Variants in PRKAR1B observed in about 807,000 individuals in gnomAD.
PRKAR1B encodes the protein cAMP-dependent protein kinase type I-beta regulatory subunit.
Under a neutral mutation model 46.5 loss-of-function variants are expected in PRKAR1B, and 22 were observed. The observed-to-expected ratio is 0.47, with a 90% CI of 0.34 to 0.68. The LOEUF (loss-of-function observed/expected upper bound fraction) is 0.68. PRKAR1B is among the 30% of genes least tolerant of loss of function. The pLI is 0.01. For synonymous variants in PRKAR1B, 259 were observed against 217.7 expected, an observed-to-expected ratio of 1.19 and a Z score of -1.67; for missense variants, 445 against 535.6, an observed-to-expected ratio of 0.83 and a Z score of 1.67.
At chr7:618,392 T>C (rs974559556) in intron 4 of PRKAR1B, among the ~76,000 whole-genome samples, 13 of 152,160 alleles carry the variant, frequency 8.5e-5, no homozygotes, top group South Asian at 6.2e-4. Context: ...ATTCCTCTCT[T>C]CCCATAGCCC....
chr7:684,011 C>A (rs573430667), intron 2 of PRKAR1B, among the ~76,000 whole-genome samples: 1 of 151,382 alleles, frequency 6.6e-6, no homozygotes, highest in African/African-American at 2.4e-5. Context: ...ACGCCTACCT[C>A]CACATGCACC....
intron 2 of PRKAR1B, among the ~76,000 whole-genome samples, chr7:685,473 A>T (rs1329147197): frequency 6.8e-6 from 1 of 147,426 alleles, no homozygotes. Context: ...GTAAAATAAA[A>T]TAGAAACTTG....
intron 7 of PRKAR1B, among the ~76,000 whole-genome samples, chr7:595,789 C>T (rs928542418): frequency 2.0e-5 from 3 of 152,234 alleles, no homozygotes; most frequent in African/African-American, 4.8e-5. Context: ...GCCACCGTGT[C>T]GGCAGGGAAC....
chr7:569,452 C>T (rs560796767), intron 9 of PRKAR1B, among the ~76,000 whole-genome samples: 3 of 152,376 alleles, frequency 2.0e-5, no homozygotes, highest in African/African-American at 7.2e-5. Flanking sequence ...AGCTGCTGGG[C>T]CGAACGTCCA....
At chr7:723,678 T>C (rs896283890) in intron 1 of PRKAR1B, among the ~76,000 whole-genome samples, 1 of 152,196 alleles carries the variant, frequency 6.6e-6, no homozygotes, top group Admixed American at 6.5e-5. Flanking sequence ...AAGGGGTCCT[T>C]GAAAAATGCA....
intron 8 of PRKAR1B, among the ~76,000 whole-genome samples, chr7:582,673 G>A (rs542529435): frequency 1.3e-5 from 2 of 152,234 alleles, no homozygotes; most frequent in African/African-American, 4.8e-5. Flanking sequence ...GGAGCAGGGA[G>A]AGGGTCTCGC....
chr7:559,409 T>C (rs958029048), intron 9 of PRKAR1B, among the ~76,000 whole-genome samples: 8 of 152,070 alleles, frequency 5.3e-5, no homozygotes, highest in Non-Finnish European at 1.2e-4. Flanking sequence ...GGACGGGGGC[T>C]CAGGGCAGTC....
At chr7:643,030 G>A (rs958708281) in intron 4 of PRKAR1B, among the ~76,000 whole-genome samples, 1 of 151,584 alleles carries the variant, frequency 6.6e-6, no homozygotes, top group African/African-American at 2.4e-5. Flanking sequence ...CTGGAATTCT[G>A]TGTACGGCAG....
At chr7:689,950 G>A (rs1157798277) in intron 2 of PRKAR1B, among the ~76,000 whole-genome samples, 1 of 151,296 alleles carries the variant, frequency 6.6e-6, no homozygotes, top group Non-Finnish European at 1.5e-5. Context: ...CAAAGTGCTG[G>A]GATTACAGGC....
rs1562554840 is a variant in PRKAR1B at position 603,661 on chromosome 7, A to ATG, written c.549+2531_549+2532insCA. On this transcript the variant is annotated intron_variant, in intron 6 of 10. Coordinates refer to ENST00000537384, the MANE Select transcript of PRKAR1B (RefSeq NM_001164760.2). ...CACCAGGACCCAGAGTGGAGAGGGC[A>ATG]GGGGAGGAGGTGACACGGTGACACC... Among the ~76,000 whole-genome samples, 854 of 103,590 alleles carry ATG rather than the reference A, an allele frequency of 8.2e-3. 30 individuals are homozygous for ATG. Among genetic ancestry groups the ATG allele is most frequent in the African/African-American group, 0.016 (402 of 24,942 alleles). The allele number at this position is 103,590 out of a possible 152,430, so 68.0% of individuals were successfully genotyped here. A position where few individuals can be genotyped will look rare whatever the true frequency, so the allele number is the denominator to read the frequency against.
chr7:633,233 C>T (rs1685612716), intron 4 of PRKAR1B, among the ~76,000 whole-genome samples: 1 of 152,162 alleles, frequency 6.6e-6, no homozygotes, highest in Non-Finnish European at 1.5e-5. Flanking sequence ...GTCTCGTGTG[C>T]AAACATCTAT....
intron 4 of PRKAR1B, among the ~76,000 whole-genome samples, chr7:624,648 T>C (rs1212863409): frequency 6.6e-6 from 1 of 152,200 alleles, no homozygotes; most frequent in African/African-American, 2.4e-5. Context: ...AACAGTGATG[T>C]GGAGACACAT....
In PRKAR1B at chr7:616,613, C is replaced by T. The variant is rs556546103; in HGVS notation, c.441-9161G>A. Among the ~76,000 whole-genome samples the T allele has an allele frequency of 1.1e-4, 16 of 152,326 alleles. No homozygotes were observed. The South Asian group carries it at 2.3e-3, about 22-fold the overall frequency. On this transcript the variant is annotated intron_variant, in intron 4 of 10. Coordinates refer to ENST00000537384, the MANE Select transcript of PRKAR1B (RefSeq NM_001164760.2). ...CAGCCATCGCACAGCGGCTCCTCAC[C>T]GGCCACCAGACCCCAGTGCCACGCA...
intron 9 of PRKAR1B, among the ~76,000 whole-genome samples, chr7:574,139 T>G (rs71536293): frequency 0.087 from 13,224 of 152,254 alleles, 647 homozygotes; most frequent in East Asian, 0.12. Context: ...CCTACACGGG[T>G]CCTTGGGCTC....
At chr7:636,878 A>G (rs1458271664) in intron 4 of PRKAR1B, among the ~76,000 whole-genome samples, 2 of 152,122 alleles carry the variant, frequency 1.3e-5, no homozygotes, top group African/African-American at 4.8e-5. Flanking sequence ...TTCCTCAACA[A>G]CTGTGACCCC....
intron 1 of PRKAR1B, among the ~76,000 whole-genome samples, chr7:717,583 A>G (rs1409367515): frequency 6.6e-6 from 1 of 152,040 alleles, no homozygotes; most frequent in Non-Finnish European, 1.5e-5. Context: ...ACCTGAACAC[A>G]AGAGTTCGAG....
At chr7:688,472 T>G (rs1298862904) in intron 2 of PRKAR1B, among the ~76,000 whole-genome samples, 1 of 151,040 alleles carries the variant, frequency 6.6e-6, no homozygotes, top group Non-Finnish European at 1.5e-5. Flanking sequence ...TGGCCTCCGA[T>G]CTGAGTTGAA....
chr7:586,908 C>T (rs1221720147), intron 7 of PRKAR1B, among the ~76,000 whole-genome samples: 3 of 131,694 alleles, frequency 2.3e-5, no homozygotes, highest in African/African-American at 5.7e-5. Flanking sequence ...TTTTTTGAGA[C>T]AGTCTCACTC....
At chr7:551,248 G>A (rs1583184248) in intron 10 of PRKAR1B, 141 bp downstream of exon 10, 1 of 784,458 alleles carries the variant, frequency 1.3e-6, no homozygotes, top group Non-Finnish European at 2.1e-6. Context: ...GCCTTCTGTT[G>A]CAGCCACACT....
Sources: allele counts gnomAD v4.1 joint callset (sites outside exome capture counted in the v4.1 genomes callset), GRCh38; gene constraint gnomAD v4.1.1; transcripts MANE v1.5; gene names NCBI Gene and HGNC (gene_info 2026-07-23, HGNC 2026-07-21).